Variants in CHGA observed in about 807,000 individuals in gnomAD.
CHGA encodes the protein chromogranin A.
A neutral mutation model predicts 54.4 loss-of-function variants in CHGA; 41 were observed. The ratio of observed to expected loss-of-function variants is 0.75; its 90% CI spans 0.59 to 0.98. The LOEUF (loss-of-function observed/expected upper bound fraction) is 0.98. Ranked by LOEUF, CHGA falls within the 50% of genes least tolerant of loss-of-function variation. The probability of loss-of-function intolerance (pLI) is 0.00; values close to 1 mark genes in which losing one functional copy is unlikely to be tolerated. For synonymous variants in CHGA, 249 were observed against 232.8 expected, an observed-to-expected ratio of 1.07 and a Z score of -0.63; for missense variants, 576 against 582.3, an observed-to-expected ratio of 0.99 and a Z score of 0.11.
At position 92,932,616 on chromosome 14, in the gene CHGA, T is replaced by G; in HGVS notation, c.1055T>G (p.Leu352Arg). The G allele has an allele frequency of 6.3e-7, 1 of 1,586,624 alleles. No homozygotes were observed. The change falls in exon 7 of 8, where the codon CTG becomes CGG. Residue 352 changes from leucine (L) to arginine (R), a missense_variant. Physicochemically the swap from Leu to Arg is moderately radical, Grantham distance 102. Transcript: ENST00000216492. This position sits in a 1 kb window ranked among gnomAD's most constrained non-coding sequence, Gnocchi z 5.3. ...AAGATGGACCAGCTGGCCAAGGAGC[T>G]GACGGCTGAGAAGCGGCTGGAGGGG... Reference protein sequence around the residue: ...WSKMDQLAKELTAEKRLEGQE... With the variant: ...WSKMDQLAKERTAEKRLEGQE...
intron 7 of CHGA, 173 bp downstream of exon 7, chr14:92,933,024 C>G: frequency 1.0e-6 from 1 of 972,664 alleles, no homozygotes; most frequent in South Asian, 2.6e-5. Flanking sequence ...CCCCAGCTCA[C>G]AGGGGGCACC....
At position 92,932,232 on chromosome 14, in the gene CHGA, G is replaced by A; in HGVS notation, c.809-138G>A. Reference sequence around the variant, plus strand: ...AGGGTCTTGCAAAGCCTGGCATCAAGAAGGTTTTTCCCGCTAAGCGTCATC... The same window carrying A: ...AGGGTCTTGCAAAGCCTGGCATCAAAAAGGTTTTTCCCGCTAAGCGTCATC... On this transcript the variant is annotated intron_variant, in intron 6 of 7. Transcript: ENST00000216492. This position sits in a 1 kb window ranked among gnomAD's most constrained non-coding sequence, Gnocchi z 5.3. 1 of 1,233,932 alleles carries A rather than the reference G, an allele frequency of 8.1e-7. No homozygotes were observed. The highest frequency in any genetic ancestry group is 1.1e-6 in the Non-Finnish European group (1 of 916,122). The allele number at this position is 1,233,932 out of a possible 1,614,324, so 76.4% of individuals were successfully genotyped here.
At position 92,934,833 on chromosome 14, in the gene CHGA, A is replaced by C; in HGVS notation, c.1323A>C (p.Glu441Asp). 1 of 1,585,756 alleles carries C rather than the reference A, an allele frequency of 6.3e-7. No individual in the cohort carries two copies. The highest frequency in any genetic ancestry group is 1.2e-5 in the South Asian group (1 of 85,940). ...DQELESLSAIEAELEKVAHQL... is the reference protein window; with the variant it reads ...DQELESLSAIDAELEKVAHQL... ...AGCTGGAGAGCCTGTCGGCCATTGA[A>C]GCAGAGCTGGAGAAAGTGGCCCACC... The change falls in exon 8 of 8, where the codon GAA becomes GAC. Residue 441 changes from glutamate (E) to aspartate (D), a missense_variant. Glu to Asp is a conservative substitution (Grantham distance 45). Transcript: ENST00000216492.
chr14:92,931,825 T>C (rs1038179364), intron 6 of CHGA, 123 bp downstream of exon 6: 11 of 1,003,426 alleles, frequency 1.1e-5, no homozygotes, highest in Admixed American at 9.9e-5. Flanking sequence ...ATTAGCTCCA[T>C]TTCCCAGGTG....
rs1886991817 is a variant in CHGA, at chr14:92,931,406, G to C, written c.512G>C (p.Gly171Ala). 12 of 1,611,374 alleles carry C rather than the reference G, an allele frequency of 7.4e-6. No homozygotes were observed. The highest frequency in any genetic ancestry group is 7.6e-6 in the Non-Finnish European group (9 of 1,179,218). Reference sequence around the variant, plus strand: ...GCTGAGGGGAACAATCAGGCCCCTGGGGAGGAAGAGGAGGAGGAGGAGGAG... The same window carrying C: ...GCTGAGGGGAACAATCAGGCCCCTGCGGAGGAAGAGGAGGAGGAGGAGGAG... ...SKAEGNNQAP[G>A]EEEEEEEEAT... Residue 171 changes from glycine (G) to alanine (A), a missense_variant, in exon 6 of 8, where the codon GGG becomes GCG. Transcript: ENST00000216492.
In CHGA at chr14:92,925,500, C is replaced by A. The variant is rs1886869642; in HGVS notation, c.94-1105C>A. Among the ~76,000 whole-genome samples, 4 of 152,262 alleles carry A rather than the reference C, an allele frequency of 2.6e-5. No homozygotes were observed. The South Asian group carries it at 8.3e-4, about 32-fold the overall frequency. ...AGCAGCTGGCTAAGACCTGAAGATT[C>A]TATACGAGGTTGTTGTGACTACATG... On this transcript the variant is annotated intron_variant, in intron 2 of 7. Coordinates refer to ENST00000216492, the MANE Select transcript of CHGA (RefSeq NM_001275.4).
At chr14:92,930,460 G>A (rs372152262) in intron 5 of CHGA, among the ~76,000 whole-genome samples, 3 of 152,232 alleles carry the variant, frequency 2.0e-5, no homozygotes, top group Non-Finnish European at 4.4e-5. Context: ...GGCTGAAAGG[G>A]AAAGCCCGCA....
chr14:92,931,392 C>A lies in CHGA; in HGVS notation c.498C>A (p.Asn166Lys), dbSNP rs556109764. ...TGCAGGAGTCCAAGGCTGAGGGGAA[C>A]AATCAGGCCCCTGGGGAGGAAGAGG... The part of the protein sequence containing the change: ...EPMQESKAEG[N>K]NQAPGEEEEE... The change falls in exon 6 of 8, where the codon AAC becomes AAA. Residue 166 changes from asparagine (N) to lysine (K), a missense_variant. By Grantham distance (94) the Asn-to-Lys change is moderately conservative. Transcript: ENST00000216492. 5 of 1,612,482 alleles carry A rather than the reference C, an allele frequency of 3.1e-6. No homozygotes were observed. The highest frequency in any genetic ancestry group is 1.3e-5 in the African/African-American group (1 of 75,054).
Position 92,931,661 on chromosome 14 carries a change from C to A in CHGA, c.767C>A (p.Pro256His). 6.3e-7 allele frequency: 1 copy of A among 1,595,140 alleles called. No individual in the cohort carries two copies. Among genetic ancestry groups the A allele is most frequent in the Non-Finnish European group, 8.6e-7 (1 of 1,167,714 alleles). ...GAAGGCCCCACTGTAGTGCTGAACC[C>A]CCACCCGAGCCTTGGCTACAAGGAG... ...EEEGPTVVLNPHPSLGYKEIR... is the reference protein window; with the variant it reads ...EEEGPTVVLNHHPSLGYKEIR... The change falls in exon 6 of 8, where the codon CCC (proline) becomes CAC (histidine). Residue 256 changes from proline (P) to histidine (H), a missense_variant. Coordinates refer to ENST00000216492, the MANE Select transcript of CHGA (RefSeq NM_001275.4).
intron 4 of CHGA, among the ~76,000 whole-genome samples, chr14:92,929,216 C>T (rs1267240202): frequency 3.3e-5 from 5 of 152,238 alleles, no homozygotes; most frequent in Non-Finnish European, 5.9e-5. Flanking sequence ...CGGGCCTGGA[C>T]TCAGCGTCCA....
intron 7 of CHGA, 158 bp downstream of exon 7, chr14:92,933,009 G>C (rs1887045260): frequency 1.7e-6 from 2 of 1,143,150 alleles, no homozygotes; most frequent in East Asian, 5.3e-5. Context: ...CAGGGTGGGA[G>C]AACACCCCAG....
chr14:92,924,339 G>T (rs1886846479), intron 2 of CHGA, 94 bp downstream of exon 2: 6 of 1,289,244 alleles, frequency 4.7e-6, no homozygotes, highest in Non-Finnish European at 6.4e-6. Flanking sequence ...TCGGCATAAA[G>T]CCAAGAGCCA....
Position 92,923,353 on chromosome 14 carries a change from G to C in CHGA, c.-7G>C. 2.3e-6 allele frequency: 3 copies of C among 1,321,802 alleles called. No homozygotes were observed. The highest frequency in any genetic ancestry group is 2.9e-4 in the Middle Eastern group (1 of 3,488). The allele number at this position is 1,321,802 out of a possible 1,614,324, so 81.9% of individuals were successfully genotyped here. ...ACACCGCCAGCTGCTCGGCGCCCGG[G>C]TCCGCCATGCGCTCCGCCGCTGTCC... On this transcript the variant is annotated 5_prime_UTR_variant, in exon 1 of 8. Transcript: ENST00000216492.
chr14:92,933,916 GGGT>G (rs1204792200), intron 7 of CHGA, among the ~76,000 whole-genome samples: 2 of 152,168 alleles, frequency 1.3e-5, no homozygotes, highest in Non-Finnish European at 2.9e-5. Context: ...GGAGAGGATG[GGGT>G]GGGGGCCTCC....
intron 1 of CHGA, 151 bp downstream of exon 1, chr14:92,923,556 C>T (rs1395565561): frequency 1.5e-6 from 1 of 676,832 alleles, no homozygotes; most frequent in Non-Finnish European, 2.1e-6. Context: ...CGCCTCCCGC[C>T]TGACCCTGCA....
At chr14:92,931,747 G>T (rs1479709205) in intron 6 of CHGA, 45 bp downstream of exon 6, 1 of 1,515,352 alleles carries the variant, frequency 6.6e-7, no homozygotes, top group Admixed American at 2.1e-5. Flanking sequence ...CTGGGAGAGG[G>T]GGATGGGTGG....
intron 6 of CHGA, 47 bp downstream of exon 6, chr14:92,931,749 G>A (rs143935201): frequency 1.9e-5 from 29 of 1,513,502 alleles, no homozygotes; most frequent in Non-Finnish European, 2.5e-5. Flanking sequence ...GGGAGAGGGG[G>A]ATGGGTGGGA....
chr14:92,924,128 A>G, intron 1 of CHGA, 71 bp from the exon 2 acceptor site: 3 of 1,544,104 alleles, frequency 1.9e-6, no homozygotes, highest in Non-Finnish European at 2.7e-6. Flanking sequence ...GGCCCCAGTG[A>G]GCCCGGTCAG....
intron 7 of CHGA, among the ~76,000 whole-genome samples, 168 bp from the exon 8 acceptor site, chr14:92,934,633 G>A (rs1030314970): frequency 1.3e-5 from 2 of 152,154 alleles, no homozygotes; most frequent in African/African-American, 4.8e-5. Flanking sequence ...TAATGATCCC[G>A]AGAGCAGTAC....
Sources: allele counts gnomAD v4.1 joint callset (sites outside exome capture counted in the v4.1 genomes callset), GRCh38; gene constraint gnomAD v4.1.1; non-coding constraint Gnocchi (gnomAD v3.1); transcripts MANE v1.5; gene names NCBI Gene and HGNC (gene_info 2026-07-23, HGNC 2026-07-21).